Variants in ATF6 observed in about 807,000 individuals in gnomAD.
ATF6 encodes the protein cyclic AMP-dependent transcription factor ATF-6 alpha.
Under a neutral mutation model 83.6 loss-of-function variants are expected in ATF6, and 53 were observed. The ratio of observed to expected loss-of-function variants is 0.63; its 90% CI spans 0.51 to 0.80. The LOEUF (loss-of-function observed/expected upper bound fraction) is 0.80. Among genes scored for constraint, ATF6 ranks in the 30% least tolerant of loss-of-function variants. ATF6 has a pLI of 0.00. For missense variants in ATF6, 744 were observed against 797.9 expected (o/e 0.93, Z 0.81); for synonymous variants, 288 against 285.8 (o/e 1.01, Z -0.08).
chr1:161,870,555 A>T (rs931719253), intron 14 of ATF6, among the ~76,000 whole-genome samples: 3 of 151,766 alleles, frequency 2.0e-5, no homozygotes, highest in Non-Finnish European at 4.4e-5. Context: ...TGGATTCTGT[A>T]TATGGCGTGC....
intron 14 of ATF6, among the ~76,000 whole-genome samples, chr1:161,889,543 A>G (rs1165093116): frequency 6.6e-6 from 1 of 152,218 alleles, no homozygotes; most frequent in Non-Finnish European, 1.5e-5. Context: ...CAGTTATCCA[A>G]AATCTTACTA....
At chr1:161,788,126 G>A (rs1001624947) in intron 4 of ATF6, among the ~76,000 whole-genome samples, 19 of 152,184 alleles carry the variant, frequency 1.2e-4, no homozygotes, top group African/African-American at 4.3e-4. Context: ...AATTTGACAA[G>A]TGCTTCCATA....
At chr1:161,812,162 T>C (rs145201723) in intron 7 of ATF6, among the ~76,000 whole-genome samples, 215 of 152,216 alleles carry the variant, frequency 1.4e-3, no homozygotes, top group South Asian at 2.7e-3. Context: ...TTAAATCTTA[T>C]AACAGCTCTT....
chr1:161,910,796 G>A (rs1687976555), intron 14 of ATF6, among the ~76,000 whole-genome samples: 1 of 152,038 alleles, frequency 6.6e-6, no homozygotes, highest in South Asian at 2.1e-4. Context: ...TCAGAAATGT[G>A]TGATCTTTGT....
intron 15 of ATF6, among the ~76,000 whole-genome samples, chr1:161,923,611 G>T (rs1688256543): frequency 6.6e-6 from 1 of 152,168 alleles, no homozygotes; most frequent in African/African-American, 2.4e-5. Flanking sequence ...AATGATTATT[G>T]TGTTGATGAT....
intron 10 of ATF6, among the ~76,000 whole-genome samples, chr1:161,847,137 G>T (rs1312101040): frequency 2.0e-5 from 3 of 152,064 alleles, no homozygotes; most frequent in African/African-American, 7.2e-5. Flanking sequence ...ATGTTAACTA[G>T]AAGAAGGTAT....
At chr1:161,863,640 C>A (rs1686931985) in intron 14 of ATF6, among the ~76,000 whole-genome samples, 1 of 152,152 alleles carries the variant, frequency 6.6e-6, no homozygotes, top group South Asian at 2.1e-4. Context: ...TCTATTTAGG[C>A]TTTTCCTATT....
intron 4 of ATF6, among the ~76,000 whole-genome samples, chr1:161,789,144 A>C (rs982880082): frequency 4.0e-5 from 6 of 151,784 alleles, no homozygotes; most frequent in Non-Finnish European, 4.4e-5. Context: ...CCTTTGTGTT[A>C]TAAACAATCC....
chr1:161,903,024 CT>C (rs1227916215), intron 14 of ATF6, among the ~76,000 whole-genome samples: 2 of 151,896 alleles, frequency 1.3e-5, no homozygotes, highest in East Asian at 1.9e-4. Flanking sequence ...ACTTCCAGAC[CT>C]TTTTTTTCTG....
chr1:161,821,207 A>T (rs553609553), intron 9 of ATF6, 46 bp downstream of exon 9: 9 of 1,280,440 alleles, frequency 7.0e-6, no homozygotes, highest in Middle Eastern at 1.9e-4. Flanking sequence ...TAAAAACTTA[A>T]ATTCTCATTA....
At chr1:161,890,130 T>C (rs1457414358) in intron 14 of ATF6, among the ~76,000 whole-genome samples, 1 of 152,252 alleles carries the variant, frequency 6.6e-6, no homozygotes, top group Non-Finnish European at 1.5e-5. Flanking sequence ...GGTATTCACC[T>C]CCATAACCAC....
At chr1:161,878,066 A>G (rs1687252293) in intron 14 of ATF6, among the ~76,000 whole-genome samples, 1 of 152,094 alleles carries the variant, frequency 6.6e-6, no homozygotes, top group Non-Finnish European at 1.5e-5. Context: ...GACTCAAGAG[A>G]GGATAGATCT....
intron 14 of ATF6, among the ~76,000 whole-genome samples, chr1:161,875,142 G>A (rs534757047): frequency 2.0e-4 from 31 of 151,616 alleles, no homozygotes; most frequent in African/African-American, 7.2e-4. Context: ...TGTTCTTTTT[G>A]GTCAAAATAT....
intron 15 of ATF6, among the ~76,000 whole-genome samples, chr1:161,955,691 A>G (rs1462303286): frequency 1.3e-5 from 2 of 152,212 alleles, no homozygotes. Flanking sequence ...TCATTTATAG[A>G]GATGTGGCTA....
intron 1 of ATF6, 100 bp downstream of exon 1, chr1:161,766,542 C>T (rs1684268832): frequency 2.7e-6 from 3 of 1,093,844 alleles, no homozygotes; most frequent in East Asian, 2.5e-5. Flanking sequence ...TGTGGACCAA[C>T]CCTGCCTGGG....
chr1:161,779,075 G>A (rs151313788), intron 2 of ATF6, among the ~76,000 whole-genome samples: 2 of 152,234 alleles, frequency 1.3e-5, no homozygotes, highest in East Asian at 1.9e-4. Flanking sequence ...TTTAGCAGTT[G>A]TTTTTACCAT....
At chr1:161,951,926 G>A (rs1426048520) in intron 15 of ATF6, among the ~76,000 whole-genome samples, 1 of 152,160 alleles carries the variant, frequency 6.6e-6, no homozygotes, top group Admixed American at 6.5e-5. Flanking sequence ...TTTGGATACA[G>A]AATCTAAATC....
Position 161,847,474 on chromosome 1 carries a change from G to A in ATF6, c.1319+894G>A, listed in dbSNP as rs141328235. 2.6e-5 allele frequency among the ~76,000 whole-genome samples: 4 copies of A among 152,236 alleles called. No individual in the cohort carries two copies. The East Asian group carries it at 7.7e-4, about 29-fold the overall frequency. On this transcript the variant is annotated intron_variant, in intron 10 of 15. Coordinates refer to ENST00000367942, the MANE Select transcript of ATF6 (RefSeq NM_007348.4). Reference sequence around the variant, plus strand: ...CTGTTATTTTTGTGGAGTACAGTATGCCAAGTCAGTGGAGGACCCAAAGGA... The same window carrying A: ...CTGTTATTTTTGTGGAGTACAGTATACCAAGTCAGTGGAGGACCCAAAGGA...
At chr1:161,787,963 C>A (rs1322717453) in intron 4 of ATF6, among the ~76,000 whole-genome samples, 3 of 152,154 alleles carry the variant, frequency 2.0e-5, no homozygotes, top group African/African-American at 7.2e-5. Flanking sequence ...AAATCTGTTG[C>A]ATCTAACTCT....
Sources: gnomAD v4.1 joint callset for allele counts (sites outside exome capture counted in the v4.1 genomes callset) on GRCh38, gnomAD v4.1.1 for gene constraint, MANE v1.5 for transcripts, NCBI Gene and HGNC (gene_info 2026-07-23, HGNC 2026-07-21) for gene names.